PRKN: variants seen among roughly 807,000 people sequenced by gnomAD.
PRKN encodes the protein parkin RBR E3 ubiquitin protein ligase, also known as E3 ubiquitin-protein ligase parkin.
In PRKN, 56 loss-of-function variants were observed where a neutral mutation model predicts 59.5. The ratio of observed to expected loss-of-function variants is 0.94; its 90% CI spans 0.76 to 1.18. PRKN has a LOEUF of 1.18. Ranked by LOEUF, PRKN falls within the 50% of genes most tolerant of loss-of-function variation. PRKN has a pLI of 0.00. For synonymous variants in PRKN, 250 were observed against 222.1 expected (o/e 1.13, Z -1.12); for missense variants, 657 against 596.4 (o/e 1.10, Z -1.06).
In PRKN at chr6:161,575,099, G is replaced by A. The variant is rs1781080021; in HGVS notation, c.872-5683C>T. Reference sequence around the variant, plus strand: ...TAAACCCATCACTCAACTGTTGCCTGTGTTTTCTAAAAATCTGAGCTCATT... The same window carrying A: ...TAAACCCATCACTCAACTGTTGCCTATGTTTTCTAAAAATCTGAGCTCATT... On this transcript the variant is annotated intron_variant, in intron 7 of 11. Coordinates refer to ENST00000366898, the MANE Select transcript of PRKN (RefSeq NM_004562.3). This position sits in a 1 kb window ranked among gnomAD's most constrained non-coding sequence, Gnocchi z 4.6. 6.6e-6 allele frequency among the ~76,000 whole-genome samples: 1 copy of A among 152,122 alleles called. No homozygotes were observed. Among genetic ancestry groups the A allele is most frequent in the Non-Finnish European group, 1.5e-5 (1 of 68,028 alleles).
chr6:161,521,125 C>T (rs1464697639), intron 9 of PRKN, among the ~76,000 whole-genome samples: 1 of 152,132 alleles, frequency 6.6e-6, no homozygotes, highest in Admixed American at 6.5e-5. Flanking sequence ...CAAAGATTGA[C>T]AATTATTAGA....
intron 7 of PRKN, among the ~76,000 whole-genome samples, chr6:161,685,336 G>A (rs946395367): frequency 6.6e-6 from 1 of 152,156 alleles, no homozygotes; most frequent in Non-Finnish European, 1.5e-5. Context: ...CCCATCGCAT[G>A]ATTTCTCCAG....
At position 161,498,669 on chromosome 6, in the gene PRKN, A is replaced by G. The variant is rs1403160785; in HGVS notation, c.1083+50185T>C. 6.6e-6 allele frequency among the ~76,000 whole-genome samples: 1 copy of G among 152,162 alleles called. No homozygotes were observed. The highest frequency in any genetic ancestry group is 1.5e-5 in the Non-Finnish European group (1 of 68,024). ...GGGCTCCACCTGCCGACCCTGATGG[A>G]GAACGAGGTCACATCAGTCTCCCTG... On this transcript the variant is annotated intron_variant, in intron 9 of 11. Transcript: ENST00000366898. The surrounding 1 kb of genome is among the most constrained non-coding windows in gnomAD (Gnocchi z 4.2).
At chr6:161,505,514 A>T (rs1048961288) in intron 9 of PRKN, among the ~76,000 whole-genome samples, 34 of 151,928 alleles carry the variant, frequency 2.2e-4, no homozygotes, top group Admixed American at 2.1e-3. Flanking sequence ...TGCTGTGCAG[A>T]AGCTGTTTAG....
rs1259369706 is a variant in PRKN at position 161,566,555 on chromosome 6, C to T, written c.933+2800G>A. ...CTGAGTAGCTGAGATTACAGGCGCC[C>T]GCCACCACACCCAGCTAACTTCTGT... On this transcript the variant is annotated intron_variant, in intron 8 of 11. Coordinates refer to ENST00000366898, the MANE Select transcript of PRKN (RefSeq NM_004562.3). This position sits in a 1 kb window ranked among gnomAD's most constrained non-coding sequence, Gnocchi z 4.1. Among the ~76,000 whole-genome samples the T allele has an allele frequency of 2.0e-5, 3 of 152,200 alleles. No individual in the cohort carries two copies. The highest frequency in any genetic ancestry group is 3.4e-3 in the Middle Eastern group (1 of 294).
At chr6:162,515,522 A>G (rs1023187782) in intron 1 of PRKN, among the ~76,000 whole-genome samples, 2 of 152,218 alleles carry the variant, frequency 1.3e-5, no homozygotes, top group Admixed American at 6.5e-5. Context: ...GAAAGGGTAT[A>G]TAAGTATTGG....
chr6:161,687,796 T>C (rs1205558387), intron 7 of PRKN, among the ~76,000 whole-genome samples: 1 of 152,094 alleles, frequency 6.6e-6, no homozygotes, highest in Non-Finnish European at 1.5e-5. Flanking sequence ...TGTTTTCCTG[T>C]CTTTAGAGTC....
At chr6:161,775,492 G>A (rs79104494) in intron 7 of PRKN, among the ~76,000 whole-genome samples, 6,553 of 152,174 alleles carry the variant, frequency 0.043, 466 homozygotes, top group African/African-American at 0.14. Flanking sequence ...GATTCACGTA[G>A]CCCTCCCAAA....
intron 9 of PRKN, among the ~76,000 whole-genome samples, chr6:161,415,819 C>G (rs1446388217): frequency 6.6e-6 from 1 of 151,736 alleles, no homozygotes; most frequent in South Asian, 2.1e-4. Context: ...GGGTCCTCAC[C>G]AGGCCTCCCC....
intron 9 of PRKN, among the ~76,000 whole-genome samples, chr6:161,505,310 G>C (rs1191296274): frequency 1.3e-5 from 2 of 151,710 alleles, no homozygotes; most frequent in East Asian, 3.9e-4. Flanking sequence ...TTTTTTGGCT[G>C]CATAAATGTC....
chr6:162,289,891 C>G (rs1488322042), intron 2 of PRKN, among the ~76,000 whole-genome samples: 2 of 152,060 alleles, frequency 1.3e-5, no homozygotes, highest in East Asian at 3.9e-4. Context: ...AAGGAAGAAC[C>G]TTGAATGTGA....
chr6:161,691,040 T>TCCA (rs1554293617), intron 7 of PRKN, among the ~76,000 whole-genome samples: 9 of 145,300 alleles, frequency 6.2e-5, no homozygotes, highest in Non-Finnish European at 7.5e-5. Context: ...CTCCTTTCCT[T>TCCA]TCCATCCATC....
At chr6:162,156,599 T>G (rs1156915590) in intron 4 of PRKN, among the ~76,000 whole-genome samples, 2 of 152,190 alleles carry the variant, frequency 1.3e-5, no homozygotes, top group Non-Finnish European at 2.9e-5. Flanking sequence ...TCTTTCATTT[T>G]CTGCTGCTGC....
At chr6:162,086,777 T>C (rs532238502) in intron 4 of PRKN, among the ~76,000 whole-genome samples, 2 of 152,344 alleles carry the variant, frequency 1.3e-5, no homozygotes, top group Admixed American at 1.3e-4. Context: ...ACATCACTGA[T>C]GCATTAATTA....
At chr6:161,742,012 G>A (rs1022605724) in intron 7 of PRKN, among the ~76,000 whole-genome samples, 8 of 151,616 alleles carry the variant, frequency 5.3e-5, no homozygotes, top group Admixed American at 1.3e-4. Flanking sequence ...TCTTGTCACC[G>A]AGGCTGGAGT....
intron 1 of PRKN, among the ~76,000 whole-genome samples, chr6:162,565,257 A>G (rs1467613273): frequency 6.6e-6 from 1 of 152,242 alleles, no homozygotes; most frequent in East Asian, 1.9e-4. Flanking sequence ...AGAAAAAGCA[A>G]GAAACTAAAA....
At chr6:162,168,130 A>G in intron 4 of PRKN, among the ~76,000 whole-genome samples, 1 of 152,188 alleles carries the variant, frequency 6.6e-6, no homozygotes, top group East Asian at 1.9e-4. Flanking sequence ...TATAGTACCA[A>G]TCAAAGAATA....
chr6:161,759,263 C>T (rs963556582), intron 7 of PRKN, among the ~76,000 whole-genome samples: 10 of 152,086 alleles, frequency 6.6e-5, no homozygotes, highest in Non-Finnish European at 1.2e-4. Context: ...GGATGGCAAG[C>T]ATTTTAATGT....
rs1787202259 is a variant in PRKN at position 161,405,090 on chromosome 6, T to G, written c.1084-18213A>C. ...CCACCTTCTCCTCCAGCTCTGACTC[T>G]TTAAACTGAATGCTGATTTATCTCT... On this transcript the variant is annotated intron_variant, in intron 9 of 11. Transcript: ENST00000366898. The surrounding 1 kb of genome is among the most constrained non-coding windows in gnomAD (Gnocchi z 5.1). Among the ~76,000 whole-genome samples the G allele has an allele frequency of 1.3e-5, 2 of 152,198 alleles. No individual in the cohort carries two copies. Among genetic ancestry groups the G allele is most frequent in the African/African-American group, 4.8e-5 (2 of 41,446 alleles).
Sources: gnomAD v4.1 joint callset for allele counts (sites outside exome capture counted in the v4.1 genomes callset) on GRCh38, gnomAD v4.1.1 for gene constraint, Gnocchi (gnomAD v3.1) non-coding constraint, MANE v1.5 for transcripts, NCBI Gene and HGNC (gene_info 2026-07-23, HGNC 2026-07-21) for gene names.